The following ROBO2 variants were observed in gnomAD, a reference collection of about 807,000 sequenced individuals.
The protein encoded by ROBO2 is roundabout guidance receptor 2.
Under a neutral mutation model 160.8 loss-of-function variants are expected in ROBO2, and 53 were observed. That is an observed-to-expected ratio of 0.33 (90% confidence interval 0.26 to 0.41). The LOEUF is 0.41. Among genes scored for constraint, ROBO2 ranks in the 10% least tolerant of loss-of-function variants. The probability of loss-of-function intolerance (pLI) is 1.00; values close to 1 mark genes in which losing one functional copy is unlikely to be tolerated. For missense variants in ROBO2, 1,577 were observed against 1,722.4 expected (o/e 0.92, Z 1.49); for synonymous variants, 664 against 611.7 (o/e 1.09, Z -1.26).
chr3:75,911,157 G>A (rs1190830836), intron 1 of ROBO2, among the ~76,000 whole-genome samples: 1 of 152,110 alleles, frequency 6.6e-6, no homozygotes, highest in Non-Finnish European at 1.5e-5. Flanking sequence ...ATGTTGAACT[G>A]TACTTTTCTT....
chr3:76,917,960 T>G (rs2076426706), intron 2 of ROBO2, among the ~76,000 whole-genome samples: 1 of 152,202 alleles, frequency 6.6e-6, no homozygotes, highest in African/African-American at 2.4e-5. Context: ...TATTACCTAT[T>G]TATTTTAGTT....
intron 5 of ROBO2, among the ~76,000 whole-genome samples, chr3:77,503,191 T>C (rs1052546316): frequency 6.6e-6 from 1 of 151,840 alleles, no homozygotes; most frequent in African/African-American, 2.4e-5. Context: ...TACCCTACTA[T>C]GTACCCACAA....
At chr3:77,198,132 G>A (rs568968012) in intron 2 of ROBO2, among the ~76,000 whole-genome samples, 1 of 152,158 alleles carries the variant, frequency 6.6e-6, no homozygotes, top group African/African-American at 2.4e-5. Context: ...GATTACTACG[G>A]GCACAGTTTT....
chr3:76,663,989 G>A (rs745633533), intron 2 of ROBO2, among the ~76,000 whole-genome samples: 2 of 152,096 alleles, frequency 1.3e-5, no homozygotes, highest in African/African-American at 4.8e-5. Flanking sequence ...GTGGAGAAAG[G>A]GGGCAAAAGG....
Position 76,280,121 on chromosome 3 carries a change from C to G in ROBO2, c.109+342519C>G, listed in dbSNP as rs1296032181. Among the ~76,000 whole-genome samples the G allele has an allele frequency of 3.3e-5, 5 of 152,052 alleles. No individual in the cohort carries two copies. In the South Asian group the frequency reaches 1.0e-3, roughly 31 times the overall value. ...GTACAATAGAACATTACAAAATAAG[C>G]ATGAATTCCTGAAAAGTCGGCAATT... On this transcript the variant is annotated intron_variant, in intron 2 of 26. Coordinates refer to the ROBO2 transcript ENST00000487694.
intron 2 of ROBO2, among the ~76,000 whole-genome samples, chr3:76,805,309 A>C (rs530045053): frequency 6.6e-6 from 1 of 152,128 alleles, no homozygotes; most frequent in South Asian, 2.1e-4. Flanking sequence ...TAATACTTTT[A>C]CAGCTGGGAA....
At chr3:76,206,942 C>T (rs1702844892) in intron 2 of ROBO2, among the ~76,000 whole-genome samples, 1 of 152,076 alleles carries the variant, frequency 6.6e-6, no homozygotes, top group South Asian at 2.1e-4. Flanking sequence ...AATCCCAATC[C>T]CATTAGAAAA....
intron 2 of ROBO2, among the ~76,000 whole-genome samples, chr3:76,885,817 CT>C (rs1321862628): frequency 6.6e-6 from 1 of 152,116 alleles, no homozygotes; most frequent in Non-Finnish European, 1.5e-5. Context: ...TTTCTTTATG[CT>C]CACATGGCAC....
At chr3:76,671,348 CT>C (rs1382827351) in intron 2 of ROBO2, among the ~76,000 whole-genome samples, 7 of 152,108 alleles carry the variant, frequency 4.6e-5, no homozygotes, top group Non-Finnish European at 1.0e-4. Context: ...GCCTTCTCCC[CT>C]GTAGAACGTA....
At position 77,386,603 on chromosome 3, in the gene ROBO2, A is replaced by ATTTTTTTTTTTTTTTTTTTTTTTTT. The variant is rs71104679; in HGVS notation, c.389-90794_389-90793insTTTTTTTTTTTTTTTTTTTTTTTTT. ...AGTTAATTATTTTTTCAGCCAGGTA[A>ATTTTTTTTTTTTTTTTTTTTTTTTT]TTTTTTTTTTTTTTTTTGAAATAGA... is the stretch of plus-strand genomic sequence containing the variant. On this transcript the variant is annotated intron_variant, in intron 2 of 25. Coordinates refer to ENST00000461745, the Ensembl canonical transcript of ROBO2. Among the ~76,000 whole-genome samples, 52 of 91,894 alleles carry ATTTTTTTTTTTTTTTTTTTTTTTTT rather than the reference A, an allele frequency of 5.7e-4. 3 individuals carry two copies. The highest frequency in any genetic ancestry group is 2.4e-3 in the East Asian group (6 of 2,508). 60.3% of individuals were successfully genotyped at this position (91,894 alleles called of 152,430 possible). A position where few individuals can be genotyped will look rare whatever the true frequency, so the allele number is the denominator to read the frequency against.
intron 2 of ROBO2, among the ~76,000 whole-genome samples, chr3:76,155,664 A>G (rs1203103436): frequency 6.6e-6 from 1 of 152,170 alleles, no homozygotes; most frequent in Non-Finnish European, 1.5e-5. Flanking sequence ...CATGAGCTGC[A>G]GGTGCAAGTT....
At chr3:76,118,234 A>G (rs941861647) in intron 2 of ROBO2, among the ~76,000 whole-genome samples, 7 of 152,214 alleles carry the variant, frequency 4.6e-5, no homozygotes, top group Admixed American at 3.9e-4. Context: ...ACTACCAGGC[A>G]CAAATTGAGA....
At chr3:76,829,685 T>TG (rs2066908488) in intron 2 of ROBO2, among the ~76,000 whole-genome samples, 2 of 151,622 alleles carry the variant, frequency 1.3e-5, no homozygotes, top group Non-Finnish European at 2.9e-5. Flanking sequence ...CTTTTTTTTT[T>TG]GAGATAGAGT....
intron 2 of ROBO2, among the ~76,000 whole-genome samples, chr3:77,289,486 A>T (rs1344718136): frequency 1.3e-5 from 2 of 151,910 alleles, no homozygotes; most frequent in Non-Finnish European, 2.9e-5. Context: ...AGAGCACTAA[A>T]GATATAAAGT....
chr3:76,981,365 A>G (rs904212464), intron 2 of ROBO2, among the ~76,000 whole-genome samples: 1 of 152,270 alleles, frequency 6.6e-6, no homozygotes, highest in African/African-American at 2.4e-5. Flanking sequence ...CTTTTTTACT[A>G]CAGCTATCAT....
chr3:76,341,376 G>A (rs558266830), intron 2 of ROBO2, among the ~76,000 whole-genome samples: 5 of 137,302 alleles, frequency 3.6e-5, no homozygotes, highest in African/African-American at 8.5e-5. Context: ...AGCTTGTTTC[G>A]TATGGCCCCA....
rs200131009 is a variant in ROBO2, at chr3:77,634,966, G to T, written c.3857G>T (p.Arg1286Leu). Residue 1286 changes from arginine (R) to leucine (L), a missense_variant, in exon 24 of 26, where the codon CGG becomes CTG. Arg to Leu is a moderately radical substitution (Grantham distance 102). Around this residue, in one of 2 missense-constraint regions of ROBO2, gnomAD observed 637 missense variants for 586.9 expected, o/e 1.09. Coordinates refer to ENST00000461745, the Ensembl canonical transcript of ROBO2. ...GCCCTGAGTCAAAGTCAGAGGCCTC[G>T]GCCCACTAAAAAACACAAGGGAGGG... 793 of 1,613,978 alleles carry T rather than the reference G, an allele frequency of 4.9e-4. 2 individuals carry two copies. The highest frequency in any genetic ancestry group is 6.5e-4 in the Non-Finnish European group (766 of 1,180,002).
intron 2 of ROBO2, among the ~76,000 whole-genome samples, chr3:77,129,012 C>G (rs1462133442): frequency 6.6e-6 from 1 of 152,008 alleles, no homozygotes; most frequent in East Asian, 1.9e-4. Flanking sequence ...AAAGCTGTTG[C>G]GTGAGTATTG....
chr3:77,358,628 G>GTA lies in ROBO2; in HGVS notation c.389-118780_389-118779dup, dbSNP rs1206053584. Among the ~76,000 whole-genome samples the GTA allele has an allele frequency of 2.0e-5, 3 of 152,136 alleles. No individual in the cohort carries two copies. In the East Asian group the frequency reaches 5.8e-4, roughly 29 times the overall value. ...ATGTTAAATGTATAAATAACTATGAGTATATATCCACGTGCATCTACGCAG... is the reference window on the plus strand; with the variant it reads ...ATGTTAAATGTATAAATAACTATGAGTATATATATCCACGTGCATCTACGCAG... On this transcript the variant is annotated intron_variant, in intron 2 of 25. Transcript: ENST00000461745.
Sources: gnomAD v4.1 joint callset for allele counts (sites outside exome capture counted in the v4.1 genomes callset) on GRCh38, gnomAD v4.1.1 for gene constraint, gnomAD v4.1.1 regional missense constraint, MANE v1.5 for transcripts, NCBI Gene and HGNC (gene_info 2026-07-23, HGNC 2026-07-21) for gene names.